Variants in OTOG observed in about 807,000 individuals in gnomAD.
OTOG encodes the protein otogelin.
In OTOG, 296 loss-of-function variants were observed where a neutral mutation model predicts 313.8. The ratio of observed to expected loss-of-function variants is 0.94; its 90% CI spans 0.86 to 1.04. The LOEUF is 1.04. Ranked by LOEUF, OTOG falls within the 50% of genes least tolerant of loss-of-function variation. The pLI is 0.00. For synonymous variants in OTOG, 1,533 were observed against 1,554.9 expected (o/e 0.99, Z 0.33); for missense variants, 3,948 against 3,840.1 (o/e 1.03, Z -0.74).
In OTOG at chr11:17,558,150, C is replaced by G. The variant is rs570337320; in HGVS notation, c.866-35C>G. 251 of 1,549,278 alleles carry G rather than the reference C, an allele frequency of 1.6e-4. No homozygotes were observed. The Middle Eastern group carries it at 2.2e-3, about 13-fold the overall frequency. On this transcript the variant is annotated intron_variant, in intron 8 of 55. Coordinates refer to ENST00000399397, the MANE Select transcript of OTOG (RefSeq NM_001292063.2). Reference sequence around the variant, plus strand: ...GTCCCTCCCATCCACCCAACCCCATCGCTGCCCCATCATGATGTCAGCTCC... The same window carrying G: ...GTCCCTCCCATCCACCCAACCCCATGGCTGCCCCATCATGATGTCAGCTCC...
chr11:17,560,730 G>T lies in OTOG; in HGVS notation c.1364G>T (p.Gly455Val), dbSNP rs540273866. Residue 455 changes from glycine (G) to valine (V), a missense_variant, in exon 13 of 56, where the codon GGC becomes GTC. Transcript: ENST00000399397. ...CPNGLIFEDG[G>V]CVAPAECPCE... is the part of the protein sequence containing the mutation. ...CTAGGGCTCATCTTCGAGGATGGGG[G>T]CTGCGTGGCACCAGCTGAGTGTCCC... is the stretch of plus-strand genomic sequence containing the variant. 1.9e-6 allele frequency: 3 copies of T among 1,550,578 alleles called. No homozygotes were observed. The South Asian group carries it at 3.6e-5, about 18-fold the overall frequency.
intron 23 of OTOG, among the ~76,000 whole-genome samples, chr11:17,581,403 G>A (rs998460621): frequency 2.6e-4 from 39 of 152,300 alleles, no homozygotes; most frequent in African/African-American, 9.4e-4. Context: ...GAGATTCAGT[G>A]AAAAGCAAGT....
At position 17,638,560 on chromosome 11, in the gene OTOG, G is replaced by A. The variant is rs1170093557; in HGVS notation, c.7894+11G>A. 2 of 1,548,722 alleles carry A rather than the reference G, an allele frequency of 1.3e-6. No individual in the cohort carries two copies. Among genetic ancestry groups the A allele is most frequent in the African/African-American group, 2.7e-5 (2 of 72,986 alleles). On this transcript the variant is annotated intron_variant, in intron 48 of 55. Coordinates refer to ENST00000399397, the MANE Select transcript of OTOG (RefSeq NM_001292063.2). ...CCTACAAATCCTGTGGTGAGTCCGT[G>A]GTCAGGACAGCCTCCCCGCTGGGAG...
chr11:17,642,146 C>A lies in OTOG; in HGVS notation c.8315C>A (p.Ala2772Glu). The A allele has an allele frequency of 6.5e-7, 1 of 1,546,862 alleles. No individual in the cohort carries two copies. Among genetic ancestry groups the A allele is most frequent in the South Asian group, 1.2e-5 (1 of 83,466 alleles). Residue 2772 changes from alanine (A) to glutamate (E), a missense_variant, in exon 53 of 56, where the codon GCA becomes GAA. Ala to Glu is a moderately radical substitution (Grantham distance 107). Coordinates refer to ENST00000399397, the MANE Select transcript of OTOG (RefSeq NM_001292063.2). Reference sequence around the variant, plus strand: ...CTCCAGCCCGGGGCATCCTGGATCGCAGACTGCGCCCGCCACCACTGCAGC... The same window carrying A: ...CTCCAGCCCGGGGCATCCTGGATCGAAGACTGCGCCCGCCACCACTGCAGC... ...SLFLPGASWI[A>E]DCARHHCSST... is the part of the protein sequence containing the mutation.
Position 17,559,597 on chromosome 11 carries a change from G to A in OTOG, c.1277G>A (p.Cys426Tyr). 2 of 1,550,862 alleles carry A rather than the reference G, an allele frequency of 1.3e-6. No individual in the cohort carries two copies. Among genetic ancestry groups the A allele is most frequent in the Non-Finnish European group, 1.7e-6 (2 of 1,147,070 alleles). The change falls in exon 12 of 56, where the codon TGC (cysteine) becomes TAC (tyrosine). Residue 426 changes from cysteine to tyrosine, a missense_variant. Transcript: ENST00000399397. ...NECIACCPASCHPRASCVDSE... is the reference protein window; with the variant it reads ...NECIACCPASYHPRASCVDSE... ...TGCATCGCCTGCTGCCCTGCCTCCTGCCATCCCCGGGCATCCTGTGTGGAC... is the reference window on the plus strand; with the variant it reads ...TGCATCGCCTGCTGCCCTGCCTCCTACCATCCCCGGGCATCCTGTGTGGAC...
At chr11:17,563,835 C>A (rs1023922604) in intron 15 of OTOG, among the ~76,000 whole-genome samples, 3 of 151,532 alleles carry the variant, frequency 2.0e-5, no homozygotes, top group African/African-American at 4.9e-5. Context: ...CACGTGCCAC[C>A]ACACCTGGCT....
chr11:17,561,204 T>A (rs1852175137), intron 14 of OTOG, 67 bp downstream of exon 14: 23 of 1,525,618 alleles, frequency 1.5e-5, no homozygotes, highest in Admixed American at 3.9e-5. Flanking sequence ...GGGCAAGGAA[T>A]CTCTGGGGGC....
chr11:17,636,683 T>C (rs1854273559), intron 47 of OTOG, among the ~76,000 whole-genome samples: 1 of 152,002 alleles, frequency 6.6e-6, no homozygotes, highest in African/African-American at 2.4e-5. Context: ...CTTCTGTCTT[T>C]CTCTTTCTAT....
chr11:17,645,774 C>A lies in OTOG; in HGVS notation c.8572C>A (p.Pro2858Thr). 1.3e-6 allele frequency: 2 copies of A among 1,550,866 alleles called. No individual in the cohort carries two copies. Among genetic ancestry groups the A allele is most frequent in the Non-Finnish European group, 1.7e-6 (2 of 1,147,064 alleles). ...CCTAGTGTCCTGCGATGGGAGGTGC[C>A]CATCCGCCAGCATCTACAACTACAA... is the stretch of plus-strand genomic sequence containing the variant. Reference protein sequence around the residue: ...VNLVSCDGRCPSASIYNYNIN... With the variant: ...VNLVSCDGRCTSASIYNYNIN... Residue 2858 changes from proline to threonine, a missense_variant, in exon 56 of 56, where the codon CCA becomes ACA. Coordinates refer to ENST00000399397, the MANE Select transcript of OTOG (RefSeq NM_001292063.2).
At chr11:17,629,937 C>T (rs913336081) in intron 40 of OTOG, among the ~76,000 whole-genome samples, 1 of 152,090 alleles carries the variant, frequency 6.6e-6, no homozygotes, top group Admixed American at 6.6e-5. Context: ...CCGTGACAGA[C>T]TACCATGATT....
chr11:17,580,067 A>G (rs1852631234), intron 23 of OTOG, among the ~76,000 whole-genome samples: 2 of 152,200 alleles, frequency 1.3e-5, no homozygotes, highest in Admixed American at 6.5e-5. Context: ...ACCCCTGCCT[A>G]GGACCCTTGG....
chr11:17,569,782 T>C (rs979490857), intron 16 of OTOG, among the ~76,000 whole-genome samples: 1 of 152,170 alleles, frequency 6.6e-6, no homozygotes, highest in Non-Finnish European at 1.5e-5. Flanking sequence ...GTATAAAATG[T>C]TCTACAATAA....
intron 32 of OTOG, among the ~76,000 whole-genome samples, chr11:17,605,480 C>G (rs1176485267): frequency 6.6e-6 from 1 of 152,178 alleles, no homozygotes; most frequent in Non-Finnish European, 1.5e-5. Flanking sequence ...GCAGTTGCCT[C>G]TATTGTATTC....
chr11:17,600,108 G>A (rs902130829), intron 31 of OTOG, among the ~76,000 whole-genome samples: 18 of 152,254 alleles, frequency 1.2e-4, no homozygotes, highest in African/African-American at 4.1e-4. Flanking sequence ...TTCTGACTAT[G>A]GGTGGAACAA....
chr11:17,552,615 T>TGTGTCTCCCACCTGTCTTGTGTCC (rs1454853324), intron 4 of OTOG, among the ~76,000 whole-genome samples: 1 of 150,930 alleles, frequency 6.6e-6, no homozygotes, highest in Non-Finnish European at 1.5e-5. Flanking sequence ...CCACCTGTCC[T>TGTGTCTCCCACCTGTCTTGTGTCC]CTCACATCAT....
At position 17,608,460 on chromosome 11, in the gene OTOG, G is replaced by C. The variant is rs1274346201; in HGVS notation, c.4274+47G>C. ...GCATGGAGCCAAGGTGTGTGCACTA[G>C]TGTGTGTGTGCACTCACATACACTT... On this transcript the variant is annotated intron_variant, in intron 34 of 55. Transcript: ENST00000399397. 2.2e-5 allele frequency: 28 copies of C among 1,252,076 alleles called. No homozygotes were observed. The Admixed American group carries it at 2.9e-4, about 13-fold the overall frequency. 77.6% of individuals were successfully genotyped at this position (1,252,076 alleles called of 1,614,324 possible).
rs1349598507 is a variant in OTOG at position 17,645,709 on chromosome 11, CACCACAGACTGCCTCACTGGCCT to C, written c.8542-34_8542-12del. 1.3e-6 allele frequency: 2 copies of C among 1,550,708 alleles called. No individual in the cohort carries two copies. The highest frequency in any genetic ancestry group is 2.4e-5 in the South Asian group (2 of 84,056). On this transcript the variant is annotated splice_polypyrimidine_tract_variant and intron_variant, in intron 55 of 55. Transcript: ENST00000399397. ...GATGGAGGGGGTTTGGGGGTGTGAG[CACCACAGACTGCCTCACTGGCCT>C]GCCCGTTCCAGGTGAACCTAGTGTC...
At position 17,640,918 on chromosome 11, in the gene OTOG, GC is replaced by G; in HGVS notation, c.8021del (p.Pro2674ArgfsTer4). 1.3e-6 allele frequency: 2 copies of G among 1,548,426 alleles called. No homozygotes were observed. ...CGCAKYECVK[A>X]PVCLSRELGV... is the part of the protein sequence containing the mutation. ...CGCCCTGCATGCCCATCCAGTGAAG[GC>G]CCCGGTGTGTCTGAGCCGCGAGCTG... On this transcript the variant is annotated frameshift_variant, in exon 51 of 56. Transcript: ENST00000399397. LOFTEE classifies it high-confidence loss of function.
In OTOG at chr11:17,645,597, C is replaced by G; in HGVS notation, c.8495C>G (p.Thr2832Ser). Residue 2832 changes from threonine to serine, a missense_variant, in exon 55 of 56, where the codon ACC becomes AGC. Physicochemically the swap from Thr to Ser is moderately conservative, Grantham distance 58 (BLOSUM62 1). Transcript: ENST00000399397. ...KEDGRSCKKV[T>S]IRMTIRKNEC... The stretch of plus-strand genomic sequence containing the variant: ...GATGGGCGCTCCTGCAAGAAGGTGA[C>G]CATCCGCATGACCATCCGCAAGAAT... 2 of 1,550,632 alleles carry G rather than the reference C, an allele frequency of 1.3e-6. No individual in the cohort carries two copies. Among genetic ancestry groups the G allele is most frequent in the Non-Finnish European group, 8.7e-7 (1 of 1,147,004 alleles).
Sources: allele counts gnomAD v4.1 joint callset (sites outside exome capture counted in the v4.1 genomes callset), GRCh38; gene constraint gnomAD v4.1.1; transcripts MANE v1.5; gene names NCBI Gene and HGNC (gene_info 2026-07-23, HGNC 2026-07-21).